CLDN11: variants seen among roughly 807,000 people sequenced by gnomAD.
The protein encoded by CLDN11 is claudin 11, also known as claudin-11.
In CLDN11, 1 loss-of-function variant was observed where a neutral mutation model predicts 18.0. That is an observed-to-expected ratio of 0.06 (90% CI 0.02 to 0.26). The LOEUF is 0.26. Among genes scored for constraint, CLDN11 ranks in the 10% least tolerant of loss-of-function variants. CLDN11 has a pLI of 1.00. For synonymous variants in CLDN11, 116 were observed against 121.5 expected, an observed-to-expected ratio of 0.96 and a Z score of 0.30; for missense variants, 172 against 276.6, an observed-to-expected ratio of 0.62 and a Z score of 2.68.
Position 170,423,262 on chromosome 3 carries a change from G to A in CLDN11, c.326G>A (p.Gly109Asp). The change falls in exon 2 of 3, where the codon GGC (glycine) becomes GAC (aspartate). Residue 109 changes from glycine to aspartate, a missense_variant. Around this residue, in one of 3 missense-constraint regions of CLDN11, gnomAD observed 161 missense variants for 240.3 expected, o/e 0.67. Coordinates refer to ENST00000064724, the MANE Select transcript of CLDN11 (RefSeq NM_005602.6). ...ACTGTTCTTCCCTGCATCCGGATGG[G>A]CCAGGAGCCCGGTGTGGCTAAGTAC... The part of the protein sequence containing the change: ...LLTVLPCIRM[G>D]QEPGVAKYRR... 6.2e-7 allele frequency: 1 copy of A among 1,614,142 alleles called. No homozygotes were observed. The highest frequency in any genetic ancestry group is 1.1e-5 in the South Asian group (1 of 91,074).
Position 170,423,272 on chromosome 3 carries a change from C to T in CLDN11, c.336C>T (p.Pro112=), listed in dbSNP as rs150789369. 3.7e-4 allele frequency: 597 copies of T among 1,614,140 alleles called. 2 individuals are homozygous for T. The highest frequency in any genetic ancestry group is 9.2e-4 in the African/African-American group (69 of 75,030). The change falls in exon 2 of 3, where the codon CCC becomes CCT. Residue 112 remains proline, a synonymous_variant. Coordinates refer to ENST00000064724, the MANE Select transcript of CLDN11 (RefSeq NM_005602.6). ...VLPCIRMGQE[P]GVAKYRRAQL... ...CCTGCATCCGGATGGGCCAGGAGCCCGGTGTGGCTAAGTACAGGCGGGCCC... is the reference window on the plus strand; with the variant it reads ...CCTGCATCCGGATGGGCCAGGAGCCTGGTGTGGCTAAGTACAGGCGGGCCC...
At chr3:170,423,027 CAA>C in intron 1 of CLDN11, 134 bp from the exon 2 acceptor site, 1 of 888,482 alleles carries the variant, frequency 1.1e-6, no homozygotes. Context: ...TGACCTTGGA[CAA>C]CATTAGCACC....
chr3:170,432,524 C>T lies in CLDN11; in HGVS notation c.392C>T (p.Ala131Val), dbSNP rs1233739679. The T allele has an allele frequency of 6.2e-7, 1 of 1,612,170 alleles. No homozygotes were observed. The highest frequency in any genetic ancestry group is 8.5e-7 in the Non-Finnish European group (1 of 1,180,034). The change falls in exon 3 of 3, where the codon GCT (alanine) becomes GTT (valine). Residue 131 changes from alanine to valine, a missense_variant and splice_region_variant. This residue lies in a region of CLDN11 where 161 missense variants were observed against 240.3 expected (regional missense o/e 0.67). Coordinates refer to ENST00000064724, the MANE Select transcript of CLDN11 (RefSeq NM_005602.6). ...TCACCGCCTCTCCATGTCTCTCCAG[C>T]TCTCTGCGCCCTTGTTGCCACCATC... is the stretch of plus-strand genomic sequence containing the variant. ...QLAGVLLILL[A>V]LCALVATIWF... is the part of the protein sequence containing the mutation.
At position 170,424,473 on chromosome 3, in the gene CLDN11, G is replaced by A. The variant is rs551344235; in HGVS notation, c.391+1146G>A. 6.6e-5 allele frequency among the ~76,000 whole-genome samples: 10 copies of A among 152,182 alleles called. No homozygotes were observed. In the South Asian group the frequency reaches 2.1e-3, roughly 32 times the overall value. ...TTGCTGATTATACCTGCACATAAAG[G>A]GCTTCATTTAACAACCTATGGAGGG... is the stretch of plus-strand genomic sequence containing the variant. On this transcript the variant is annotated intron_variant, in intron 2 of 2. Transcript: ENST00000064724.
intron 1 of CLDN11, among the ~76,000 whole-genome samples, chr3:170,422,693 G>T (rs1738752966): frequency 6.6e-6 from 1 of 152,196 alleles, no homozygotes; most frequent in Non-Finnish European, 1.5e-5. Flanking sequence ...AAAGTGCTGG[G>T]ATTAGAGGTG....
intron 2 of CLDN11, among the ~76,000 whole-genome samples, chr3:170,425,853 C>A (rs1312786444): frequency 6.6e-6 from 1 of 152,190 alleles, no homozygotes; most frequent in East Asian, 1.9e-4. Context: ...TTGACCGGAA[C>A]GAGCTAGCTC....
At chr3:170,427,453 C>G (rs1233325582) in intron 2 of CLDN11, among the ~76,000 whole-genome samples, 8 of 152,056 alleles carry the variant, frequency 5.3e-5, no homozygotes, top group African/African-American at 1.9e-4. Context: ...GAAACCCTGT[C>G]TCTACTTAAA....
At chr3:170,425,062 A>G (rs148844328) in intron 2 of CLDN11, among the ~76,000 whole-genome samples, 1 of 152,312 alleles carries the variant, frequency 6.6e-6, no homozygotes, top group African/African-American at 2.4e-5. Context: ...CGGAACACAT[A>G]TCAGCATCCG....
chr3:170,430,160 A>G (rs1738962233), intron 2 of CLDN11, among the ~76,000 whole-genome samples: 1 of 152,340 alleles, frequency 6.6e-6, no homozygotes, highest in African/African-American at 2.4e-5. Context: ...GAAAATCTAC[A>G]GTAGTTCTCT....
chr3:170,424,161 T>A (rs1248510453), intron 2 of CLDN11, among the ~76,000 whole-genome samples: 1 of 152,204 alleles, frequency 6.6e-6, no homozygotes, highest in Non-Finnish European at 1.5e-5. Context: ...TAAGCCTTCC[T>A]TGAGCATGTG....
At chr3:170,430,203 C>A (rs6794467) in intron 2 of CLDN11, among the ~76,000 whole-genome samples, 65,694 of 151,998 alleles carry the variant, frequency 0.43, 14,543 homozygotes, top group South Asian at 0.48. Context: ...GGATTTTAGT[C>A]CCTTTTGCTG....
At chr3:170,423,657 G>T in intron 2 of CLDN11, 1 of 274,434 alleles carries the variant, frequency 3.6e-6, no homozygotes, top group South Asian at 6.3e-5. Context: ...CCTATGCCCA[G>T]GTCCCACAGC....
At chr3:170,431,082 G>A (rs574462333) in intron 2 of CLDN11, among the ~76,000 whole-genome samples, 8 of 152,202 alleles carry the variant, frequency 5.3e-5, no homozygotes, top group Non-Finnish European at 5.9e-5. Flanking sequence ...ACACAAATGC[G>A]ATGAGATTGT....
At chr3:170,425,212 T>C (rs1738823762) in intron 2 of CLDN11, among the ~76,000 whole-genome samples, 1 of 152,178 alleles carries the variant, frequency 6.6e-6, no homozygotes, top group South Asian at 2.1e-4. Context: ...ACCCTTCTCC[T>C]AGACACTTGC....
intron 2 of CLDN11, among the ~76,000 whole-genome samples, chr3:170,424,958 T>C (rs971733517): frequency 1.3e-5 from 2 of 151,764 alleles, no homozygotes. Context: ...TGTGTGTGTG[T>C]TAACAGGAGT....
intron 2 of CLDN11, among the ~76,000 whole-genome samples, chr3:170,425,898 C>A (rs1302134720): frequency 6.6e-6 from 1 of 152,214 alleles, no homozygotes; most frequent in Non-Finnish European, 1.5e-5. Flanking sequence ...AAGCATGGCA[C>A]CTGCTGATCT....
At chr3:170,425,849 G>T (rs150344239) in intron 2 of CLDN11, among the ~76,000 whole-genome samples, 1 of 152,184 alleles carries the variant, frequency 6.6e-6, no homozygotes, top group Non-Finnish European at 1.5e-5. Context: ...TGTTTTGACC[G>T]GAACGAGCTA....
chr3:170,427,961 A>G (rs952378737), intron 2 of CLDN11, among the ~76,000 whole-genome samples: 2 of 152,054 alleles, frequency 1.3e-5, no homozygotes, highest in Non-Finnish European at 2.9e-5. Context: ...GTTCGAAACC[A>G]GCCTGGCCAA....
chr3:170,419,350 G>C lies in CLDN11; in HGVS notation c.226+58G>C. 1 of 1,284,566 alleles carries C rather than the reference G, an allele frequency of 7.8e-7. No individual in the cohort carries two copies. 79.6% of individuals were successfully genotyped at this position (1,284,566 alleles called of 1,614,324 possible). A position where few individuals can be genotyped will look rare whatever the true frequency, so the allele number is the denominator to read the frequency against. On this transcript the variant is annotated intron_variant, in intron 1 of 2. Transcript: ENST00000064724. The surrounding 1 kb of genome is among the most constrained non-coding windows in gnomAD (Gnocchi z 8.6). ...TCCTTATCCTCTGGGTAGAGAGCGGGATATTAGACGGCGTCACAGAGACAT... is the reference window on the plus strand; with the variant it reads ...TCCTTATCCTCTGGGTAGAGAGCGGCATATTAGACGGCGTCACAGAGACAT...
Sources: gnomAD v4.1 joint callset for allele counts (sites outside exome capture counted in the v4.1 genomes callset) on GRCh38, gnomAD v4.1.1 for gene constraint, gnomAD v4.1.1 regional missense constraint, Gnocchi (gnomAD v3.1) non-coding constraint, MANE v1.5 for transcripts, NCBI Gene and HGNC (gene_info 2026-07-23, HGNC 2026-07-21) for gene names.